The following SRPK2 variants were observed in gnomAD, a reference collection of about 807,000 sequenced individuals.
SRPK2 encodes the protein SRSF protein kinase 2, also known as SFRS protein kinase 2.
A neutral mutation model predicts 90.8 loss-of-function variants in SRPK2; 21 were observed. That is an observed-to-expected ratio of 0.23 (90% CI 0.16 to 0.33). SRPK2 has a LOEUF of 0.33. Ranked by LOEUF, SRPK2 falls within the 10% of genes least tolerant of loss-of-function variation. The probability of loss-of-function intolerance (pLI) is 1.00; values close to 1 mark genes in which losing one functional copy is unlikely to be tolerated. For missense variants in SRPK2, 620 were observed against 869.0 expected, an observed-to-expected ratio of 0.71 and a Z score of 3.60; for synonymous variants, 288 against 311.1, an observed-to-expected ratio of 0.93 and a Z score of 0.78.
chr7:105,172,364 A>G (rs549773032), intron 3 of SRPK2, among the ~76,000 whole-genome samples: 35 of 152,362 alleles, frequency 2.3e-4, no homozygotes, highest in Non-Finnish European at 3.5e-4. Flanking sequence ...GCAGGGGAGT[A>G]GGAAGGAAGA....
intron 1 of SRPK2, among the ~76,000 whole-genome samples, chr7:105,395,972 A>G (rs987411365): frequency 1.3e-5 from 2 of 152,072 alleles, no homozygotes; most frequent in African/African-American, 2.4e-5. Flanking sequence ...CTGGAGTGCA[A>G]TAACATGATG....
At chr7:105,272,989 C>A (rs559732185) in intron 2 of SRPK2, among the ~76,000 whole-genome samples, 1 of 151,934 alleles carries the variant, frequency 6.6e-6, no homozygotes, top group Non-Finnish European at 1.5e-5. Flanking sequence ...CTGAGGTAGG[C>A]AAATCACGAA....
At position 105,280,427 on chromosome 7, in the gene SRPK2, A is replaced by T. The variant is rs545092085; in HGVS notation, c.72-76642T>A. 7.9e-5 allele frequency among the ~76,000 whole-genome samples: 12 copies of T among 152,154 alleles called. 1 individual carries two copies. In the South Asian group the frequency reaches 2.5e-3, roughly 32 times the overall value. On this transcript the variant is annotated intron_variant, in intron 2 of 15. Transcript: ENST00000393651. Reference sequence around the variant, plus strand: ...GACAGAGTGAGACTGTCTTCAAAAAAAAAAAAAAGTCAAAAATTAAGATGT... The same window carrying T: ...GACAGAGTGAGACTGTCTTCAAAAATAAAAAAAAGTCAAAAATTAAGATGT...
At chr7:105,215,479 C>T (rs753028160) in intron 2 of SRPK2, among the ~76,000 whole-genome samples, 2 of 152,202 alleles carry the variant, frequency 1.3e-5, no homozygotes, top group Non-Finnish European at 2.9e-5. Context: ...AGCAATTCCA[C>T]TCCTGGCATA....
At chr7:105,369,453 A>C (rs1819465877) in intron 2 of SRPK2, among the ~76,000 whole-genome samples, 1 of 152,030 alleles carries the variant, frequency 6.6e-6, no homozygotes, top group South Asian at 2.1e-4. Flanking sequence ...CGGCCTACAC[A>C]AGATTTTATT....
chr7:105,319,377 A>G (rs1390362019), intron 2 of SRPK2, among the ~76,000 whole-genome samples: 2 of 152,140 alleles, frequency 1.3e-5, no homozygotes, highest in East Asian at 3.9e-4. Context: ...AACATTATCA[A>G]GGCTAAAAAT....
chr7:105,344,682 CACTCTAACTT>C (rs1294055193), intron 2 of SRPK2, among the ~76,000 whole-genome samples: 3 of 152,108 alleles, frequency 2.0e-5, no homozygotes, highest in Non-Finnish European at 4.4e-5. Context: ...CCCTGCTCTA[CACTCTAACTT>C]AAAGATTTGA....
Position 105,142,069 on chromosome 7 carries a change from G to C in SRPK2, c.1482C>G (p.Ser494Arg). ...TTCTGCTTCTGTCATGGGATGGACT[G>C]CTCTCCTCTTGCTCAGTAAGTGGTG... ...EGSPLTEQEESSPSHDRSRTV... is the reference protein window; with the variant it reads ...EGSPLTEQEERSPSHDRSRTV... Residue 494 changes from serine to arginine, a missense_variant, in exon 11 of 16, where the codon AGC (serine) becomes AGG (arginine). Transcript: ENST00000393651. 3 of 1,614,166 alleles carry C rather than the reference G, an allele frequency of 1.9e-6. No individual in the cohort carries two copies. The highest frequency in any genetic ancestry group is 2.5e-6 in the Non-Finnish European group (3 of 1,180,008).
intron 2 of SRPK2, among the ~76,000 whole-genome samples, chr7:105,377,677 G>C (rs763456077): frequency 2.0e-5 from 3 of 152,178 alleles, no homozygotes; most frequent in Non-Finnish European, 4.4e-5. Context: ...TCCAGCCTGA[G>C]CAACAGAGCA....
intron 2 of SRPK2, among the ~76,000 whole-genome samples, chr7:105,290,044 T>TG (rs1808750176): frequency 1.3e-5 from 2 of 152,124 alleles, no homozygotes; most frequent in Non-Finnish European, 2.9e-5. Context: ...CTAAACTCAC[T>TG]GTCTTATATG....
chr7:105,397,251 C>T (rs754199425), intron 1 of SRPK2, among the ~76,000 whole-genome samples: 2 of 151,588 alleles, frequency 1.3e-5, no homozygotes, highest in Non-Finnish European at 2.9e-5. Flanking sequence ...CTTTTGACGT[C>T]GTGATCCACC....
chr7:105,154,401 T>C (rs913581771), intron 7 of SRPK2, among the ~76,000 whole-genome samples: 1 of 152,198 alleles, frequency 6.6e-6, no homozygotes, highest in African/African-American at 2.4e-5. Context: ...CAAATTGACA[T>C]GAAAGCTTCT....
chr7:105,145,220 A>C, intron 9 of SRPK2, 63 bp downstream of exon 9: 1 of 1,308,752 alleles, frequency 7.6e-7, no homozygotes, highest in Admixed American at 2.7e-5. Context: ...TAATTTGAAC[A>C]ACTCAATAAT....
intron 2 of SRPK2, among the ~76,000 whole-genome samples, chr7:105,347,680 C>T (rs1816630869): frequency 6.6e-6 from 1 of 151,632 alleles, no homozygotes; most frequent in South Asian, 2.1e-4. Context: ...CTGGCAAGAC[C>T]CCCATCTCTG....
chr7:105,280,947 C>CAAA lies in SRPK2; in HGVS notation c.72-77165_72-77163dup, dbSNP rs1158350206. On this transcript the variant is annotated intron_variant, in intron 2 of 15. Coordinates refer to ENST00000393651, the MANE Select transcript of SRPK2 (RefSeq NM_182692.3). ...GGGCGACAGAGCGAAGACTCCATCTCAAAAAAAAAAAAAAAAAAAAAAAAA... is the reference window on the plus strand; with the variant it reads ...GGGCGACAGAGCGAAGACTCCATCTCAAAAAAAAAAAAAAAAAAAAAAAAAAAA... Among the ~76,000 whole-genome samples the CAAA allele has an allele frequency of 9.0e-4, 39 of 43,326 alleles. 5 individuals carry two copies. Among genetic ancestry groups the CAAA allele is most frequent in the African/African-American group, 1.5e-3 (13 of 8,636 alleles). The allele number at this position is 43,326 out of a possible 152,430, so 28.4% of individuals were successfully genotyped here.
At chr7:105,258,555 A>G (rs1293815057) in intron 2 of SRPK2, among the ~76,000 whole-genome samples, 4 of 152,186 alleles carry the variant, frequency 2.6e-5, no homozygotes, top group Non-Finnish European at 5.9e-5. Context: ...TCATCCTGAT[A>G]CCAAAGCCTC....
chr7:105,232,932 G>A lies in SRPK2; in HGVS notation c.72-29147C>T, dbSNP rs1292624364. The stretch of plus-strand genomic sequence containing the variant: ...GGAGCCTGAGGCAGGAGAATCACTT[G>A]ATCACTGAACTTGGGAGGCGGAGGT... On this transcript the variant is annotated intron_variant, in intron 2 of 15. Transcript: ENST00000393651. 4.6e-5 allele frequency among the ~76,000 whole-genome samples: 7 copies of A among 152,002 alleles called. No homozygotes were observed. In the South Asian group the frequency reaches 1.5e-3, roughly 32 times the overall value.
At chr7:105,346,545 G>A (rs1466434124) in intron 2 of SRPK2, among the ~76,000 whole-genome samples, 1 of 152,102 alleles carries the variant, frequency 6.6e-6, no homozygotes, top group Non-Finnish European at 1.5e-5. Context: ...CACGAGGTCA[G>A]GAGTTCAAGA....
At chr7:105,369,756 A>T (rs889198519) in intron 2 of SRPK2, among the ~76,000 whole-genome samples, 5 of 151,988 alleles carry the variant, frequency 3.3e-5, no homozygotes, top group Non-Finnish European at 5.9e-5. Context: ...GGCCGGGCAC[A>T]GTGGCTCACC....
Sources: gnomAD v4.1 joint callset for allele counts (sites outside exome capture counted in the v4.1 genomes callset) on GRCh38, gnomAD v4.1.1 for gene constraint, MANE v1.5 for transcripts, NCBI Gene and HGNC (gene_info 2026-07-23, HGNC 2026-07-21) for gene names.